RNGTT: variants seen among roughly 807,000 people sequenced by gnomAD.
The protein encoded by RNGTT is RNA guanylyltransferase and 5'-phosphatase.
Under a neutral mutation model 79.3 loss-of-function variants are expected in RNGTT, and 33 were observed. The observed-to-expected ratio is 0.42, with a 90% CI of 0.32 to 0.56. The LOEUF (loss-of-function observed/expected upper bound fraction) is 0.56, where lower values mean the gene tolerates loss of function less well. Ranked by LOEUF, RNGTT falls within the 20% of genes least tolerant of loss-of-function variation. RNGTT has a pLI of 0.17. For missense variants in RNGTT, 497 were observed against 739.1 expected, an observed-to-expected ratio of 0.67 and a Z score of 3.80; for synonymous variants, 222 against 235.9, an observed-to-expected ratio of 0.94 and a Z score of 0.54.
intron 4 of RNGTT, among the ~76,000 whole-genome samples, chr6:88,916,429 C>T (rs186471953): frequency 2.1e-3 from 317 of 152,140 alleles, no homozygotes; most frequent in Non-Finnish European, 3.8e-3. Context: ...GCTGTGATGG[C>T]GTCACTACAT....
intron 5 of RNGTT, among the ~76,000 whole-genome samples, chr6:88,905,865 C>T (rs926291603): frequency 3.9e-5 from 6 of 152,172 alleles, no homozygotes; most frequent in African/African-American, 1.4e-4. Flanking sequence ...AAACACCTGG[C>T]TGGGTGTGGT....
intron 12 of RNGTT, among the ~76,000 whole-genome samples, chr6:88,778,962 G>A (rs991680028): frequency 6.6e-6 from 1 of 152,066 alleles, no homozygotes; most frequent in Admixed American, 6.6e-5. Context: ...ACATGCTTCA[G>A]GATAATCACA....
At chr6:88,802,771 A>G (rs1279526783) in intron 11 of RNGTT, among the ~76,000 whole-genome samples, 2 of 152,166 alleles carry the variant, frequency 1.3e-5, no homozygotes, top group South Asian at 4.1e-4. Context: ...ATCAGATCAC[A>G]TAAGAACTCA....
At chr6:88,704,274 A>AAAAC (rs1562206058) in intron 13 of RNGTT, among the ~76,000 whole-genome samples, 2 of 149,334 alleles carry the variant, frequency 1.3e-5, no homozygotes, top group African/African-American at 5.0e-5. Flanking sequence ...AAAAAAAAAA[A>AAAAC]AAAAAAAAAA....
At chr6:88,748,158 T>G (rs1326752951) in intron 13 of RNGTT, among the ~76,000 whole-genome samples, 1 of 152,030 alleles carries the variant, frequency 6.6e-6, no homozygotes, top group Non-Finnish European at 1.5e-5. Context: ...AGAGGGATTC[T>G]CAAAGGGAAA....
At chr6:88,889,705 A>G (rs1442304668) in intron 8 of RNGTT, among the ~76,000 whole-genome samples, 1 of 152,232 alleles carries the variant, frequency 6.6e-6, no homozygotes, top group Non-Finnish European at 1.5e-5. Flanking sequence ...TATGGATTAC[A>G]AAAGAAAAAA....
chr6:88,769,980 C>T (rs1321217069), intron 12 of RNGTT, 106 bp from the exon 13 acceptor site: 1 of 686,816 alleles, frequency 1.5e-6, no homozygotes, highest in African/African-American at 1.8e-5. Context: ...TACTTCTTTT[C>T]TAAACATAAT....
intron 13 of RNGTT, among the ~76,000 whole-genome samples, chr6:88,736,326 GA>G (rs1777283999): frequency 6.6e-6 from 1 of 152,112 alleles, no homozygotes; most frequent in East Asian, 1.9e-4. Flanking sequence ...CATTCTATGA[GA>G]ACATTACCTT....
At chr6:88,921,703 A>G (rs1048555863) in intron 4 of RNGTT, among the ~76,000 whole-genome samples, 11 of 151,716 alleles carry the variant, frequency 7.3e-5, no homozygotes, top group African/African-American at 2.7e-4. Flanking sequence ...CATTTTGCTG[A>G]TTTTTTTTCA....
At chr6:88,944,979 G>C (rs1344864458) in intron 1 of RNGTT, among the ~76,000 whole-genome samples, 1 of 152,110 alleles carries the variant, frequency 6.6e-6, no homozygotes, top group Non-Finnish European at 1.5e-5. Flanking sequence ...CTGATCTTTG[G>C]GCATTGTTAG....
In RNGTT at chr6:88,739,733, A is replaced by ATATATATATATG. The variant is rs1562227302; in HGVS notation, c.1439+30040_1439+30041insCATATATATATA. Among the ~76,000 whole-genome samples the ATATATATATATG allele has an allele frequency of 4.8e-3, 83 of 17,352 alleles. 1 individual carries two copies. Among genetic ancestry groups the ATATATATATATG allele is most frequent in the Non-Finnish European group, 7.9e-3 (57 of 7,184 alleles). 11.4% of individuals were successfully genotyped at this position (17,352 alleles called of 152,430 possible). A position where few individuals can be genotyped will look rare whatever the true frequency, so the allele number is the denominator to read the frequency against. ...AACTGGTGTGAAAAAAATTATATATATATATATATATATATATATATATAT... is the reference window on the plus strand; with the variant it reads ...AACTGGTGTGAAAAAAATTATATATATATATATATATGTATATATATATATATATATATATAT... On this transcript the variant is annotated intron_variant, in intron 13 of 15. Transcript: ENST00000369485.
intron 14 of RNGTT, among the ~76,000 whole-genome samples, chr6:88,623,900 G>A (rs564946983): frequency 3.3e-5 from 5 of 151,920 alleles, no homozygotes; most frequent in South Asian, 4.1e-4. Context: ...ATACATAAAC[G>A]GATGCAGACT....
chr6:88,699,702 G>GT (rs1229981293), intron 13 of RNGTT, among the ~76,000 whole-genome samples: 3 of 152,008 alleles, frequency 2.0e-5, no homozygotes, highest in African/African-American at 4.8e-5. Context: ...TTTTTTTAAC[G>GT]TGGTATGCAC....
intron 13 of RNGTT, among the ~76,000 whole-genome samples, chr6:88,752,867 T>C (rs1365709974): frequency 6.6e-6 from 1 of 151,904 alleles, no homozygotes; most frequent in Non-Finnish European, 1.5e-5. Flanking sequence ...CTCATAAATA[T>C]AAACACCTAC....
chr6:88,959,376 A>T (rs1785539718), intron 1 of RNGTT, among the ~76,000 whole-genome samples: 1 of 152,212 alleles, frequency 6.6e-6, no homozygotes, highest in South Asian at 2.1e-4. Flanking sequence ...TTTTTTAAAA[A>T]GATCTTTACT....
intron 2 of RNGTT, among the ~76,000 whole-genome samples, chr6:88,937,837 T>C (rs1429447588): frequency 6.6e-6 from 1 of 152,240 alleles, no homozygotes; most frequent in African/African-American, 2.4e-5. Flanking sequence ...CATGTATTTG[T>C]ACAATTTCCA....
chr6:88,766,213 A>G (rs536446062), intron 13 of RNGTT, among the ~76,000 whole-genome samples: 1 of 152,292 alleles, frequency 6.6e-6, no homozygotes, highest in East Asian at 1.9e-4. Flanking sequence ...AATCACACAG[A>G]CAGTAAGGAG....
At chr6:88,925,983 G>T (rs917436217) in intron 4 of RNGTT, among the ~76,000 whole-genome samples, 2 of 152,178 alleles carry the variant, frequency 1.3e-5, no homozygotes, top group Non-Finnish European at 2.9e-5. Flanking sequence ...GTATCTTCAA[G>T]TGGTTCTGAT....
chr6:88,797,633 T>C (rs958193675), intron 12 of RNGTT, among the ~76,000 whole-genome samples: 1 of 151,904 alleles, frequency 6.6e-6, no homozygotes, highest in African/African-American at 2.4e-5. Flanking sequence ...ATAATTATAA[T>C]AACCAAAAAT....
Sources: gnomAD v4.1 joint callset for allele counts (sites outside exome capture counted in the v4.1 genomes callset) on GRCh38, gnomAD v4.1.1 for gene constraint, MANE v1.5 for transcripts, NCBI Gene and HGNC (gene_info 2026-07-23, HGNC 2026-07-21) for gene names.